The following STYK1 variants were observed in gnomAD, a reference collection of about 807,000 sequenced individuals.
STYK1 encodes tyrosine-protein kinase STYK1.
A neutral mutation model predicts 48.1 loss-of-function variants in STYK1; 46 were observed. The observed-to-expected ratio is 0.96, with a 90% CI of 0.75 to 1.22. The LOEUF (loss-of-function observed/expected upper bound fraction) is 1.22. Ranked by LOEUF, STYK1 falls within the 50% of genes most tolerant of loss-of-function variation. The pLI is 0.00. For missense variants in STYK1, 527 were observed against 521.1 expected, an observed-to-expected ratio of 1.01 and a Z score of -0.11; for synonymous variants, 188 against 189.0, an observed-to-expected ratio of 0.99 and a Z score of 0.04.
Position 10,631,132 on chromosome 12 carries a change from T to G in STYK1, c.364A>C (p.Ser122Arg), listed in dbSNP as rs554544771. ...QLSEVLEQICSGSCGPIFRAN... is the reference protein window; with the variant it reads ...QLSEVLEQICRGSCGPIFRAN... ...CGAAAGATGGGCCCACAGCTACCAC[T>G]GCAAATCTGCTCCAGAACTTCAGAG... The change falls in exon 5 of 11, where the codon AGT (serine) becomes CGT (arginine). Residue 122 changes from serine to arginine, a missense_variant. Physicochemically the swap from Ser to Arg is moderately radical, Grantham distance 110. Transcript: ENST00000075503. The G allele has an allele frequency of 1.2e-6, 2 of 1,614,206 alleles. No individual in the cohort carries two copies. Among genetic ancestry groups the G allele is most frequent in the Admixed American group, 3.3e-5 (2 of 60,026 alleles).
chr12:10,664,993 G>A (rs1301602590), intron 1 of STYK1, among the ~76,000 whole-genome samples: 1 of 152,178 alleles, frequency 6.6e-6, no homozygotes, highest in South Asian at 2.1e-4. Context: ...ATGAATCAGA[G>A]ATCTAATCAG....
At chr12:10,624,275 A>G (rs1947331041) in intron 8 of STYK1, among the ~76,000 whole-genome samples, 2 of 151,366 alleles carry the variant, frequency 1.3e-5, no homozygotes, top group African/African-American at 2.4e-5. Context: ...GAAAAAAAAA[A>G]TAGCCAAGCA....
At chr12:10,627,020 A>C (rs1443983931) in intron 7 of STYK1, among the ~76,000 whole-genome samples, 1 of 152,196 alleles carries the variant, frequency 6.6e-6, no homozygotes, top group Non-Finnish European at 1.5e-5. Context: ...AAATAAATAA[A>C]TAAATAAACA....
chr12:10,626,442 T>G (rs951710262), intron 7 of STYK1, among the ~76,000 whole-genome samples: 1 of 152,150 alleles, frequency 6.6e-6, no homozygotes. Flanking sequence ...GCTTCAACCA[T>G]AACTATTACT....
At chr12:10,631,955 G>A (rs1947433787) in intron 4 of STYK1, among the ~76,000 whole-genome samples, 1 of 152,138 alleles carries the variant, frequency 6.6e-6, no homozygotes, top group African/African-American at 2.4e-5. Context: ...TAAGTGCTGG[G>A]AACAGGAAAA....
At position 10,620,454 on chromosome 12, in the gene STYK1, TG is replaced by T. The variant is rs1475728043; in HGVS notation, c.1065-107del. 8 of 1,027,688 alleles carry T rather than the reference TG, an allele frequency of 7.8e-6. No homozygotes were observed. In the African/African-American group the frequency reaches 1.3e-4, roughly 16 times the overall value. The allele number at this position is 1,027,688 out of a possible 1,614,324, so 63.7% of individuals were successfully genotyped here. ...ACAAACAACTCTGCAATTCTTTAAT[TG>T]TCTTCTGTTTGCCCTGTTACTCATA... On this transcript the variant is annotated intron_variant, in intron 10 of 10. Coordinates refer to ENST00000075503, the MANE Select transcript of STYK1 (RefSeq NM_018423.3).
At chr12:10,669,970 T>C (rs1444619052) in intron 1 of STYK1, among the ~76,000 whole-genome samples, 2 of 152,024 alleles carry the variant, frequency 1.3e-5, no homozygotes, top group Admixed American at 1.3e-4. Context: ...ATCGAAAAGA[T>C]GAAAAATAAG....
chr12:10,633,870 T>C, intron 4 of STYK1, 120 bp downstream of exon 4: 1 of 1,248,494 alleles, frequency 8.0e-7, no homozygotes, highest in Non-Finnish European at 1.1e-6. Context: ...AGGGAACCCA[T>C]GCCTCTCTCA....
intron 1 of STYK1, among the ~76,000 whole-genome samples, chr12:10,642,266 G>T (rs1947553671): frequency 1.3e-5 from 2 of 152,154 alleles, no homozygotes; most frequent in Admixed American, 6.5e-5. Flanking sequence ...AGAATTTCCT[G>T]TGCTATAATG....
Position 10,624,788 on chromosome 12 carries a change from G to A in STYK1, c.789C>T (p.Leu263=). The change falls in exon 8 of 11, where the codon CTC becomes CTT. Residue 263 remains leucine, a synonymous_variant. Coordinates refer to ENST00000075503, the MANE Select transcript of STYK1 (RefSeq NM_018423.3). ...GGCCTAATCCACAGAGCTTAGCAGT[G>A]AGATCACTTTGCATCAGAATATTCC... ...AARNILMQSD[L]TAKLCGLGLA... is the part of the protein sequence containing the mutation. 1 of 1,614,126 alleles carries A rather than the reference G, an allele frequency of 6.2e-7. No homozygotes were observed. Among genetic ancestry groups the A allele is most frequent in the Non-Finnish European group, 8.5e-7 (1 of 1,180,014 alleles).
intron 1 of STYK1, among the ~76,000 whole-genome samples, chr12:10,647,342 A>T (rs1947611791): frequency 6.6e-6 from 1 of 152,156 alleles, no homozygotes; most frequent in African/African-American, 2.4e-5. Flanking sequence ...AGAGTCAAAG[A>T]TCATTTTGGA....
chr12:10,630,069 G>C lies in STYK1; in HGVS notation c.452-395C>G, dbSNP rs1421259485. Among the ~76,000 whole-genome samples, 4 of 45,606 alleles carry C rather than the reference G, an allele frequency of 8.8e-5. No homozygotes were observed. The East Asian group carries it at 3.3e-3, about 38-fold the overall frequency. The allele number at this position is 45,606 out of a possible 152,430, so 29.9% of individuals were successfully genotyped here. A position where few individuals can be genotyped will look rare whatever the true frequency, so the allele number is the denominator to read the frequency against. On this transcript the variant is annotated intron_variant, in intron 5 of 10. Coordinates refer to ENST00000075503, the MANE Select transcript of STYK1 (RefSeq NM_018423.3). ...AGAGAGAGAGAGAGAGAGAGAGAGAGAGAGAGAGAGAGAGAGAGAGAGAAA... is the reference window on the plus strand; with the variant it reads ...AGAGAGAGAGAGAGAGAGAGAGAGACAGAGAGAGAGAGAGAGAGAGAGAAA...
chr12:10,673,630 C>T (rs1425778836), intron 1 of STYK1: 1 of 151,984 alleles, frequency 6.6e-6, no homozygotes, highest in Non-Finnish European at 1.5e-5. Flanking sequence ...TTCCCTTCCC[C>T]CTCTCCTGAT....
chr12:10,625,349 C>T lies in STYK1; in HGVS notation c.718-490G>A, dbSNP rs536958511. On this transcript the variant is annotated intron_variant, in intron 7 of 10. Transcript: ENST00000075503. ...TCTTCTGCCTCAGCCTCCCAAGTAG[C>T]TGGGACTACAGGCACCCGCCACCAC... Among the ~76,000 whole-genome samples the T allele has an allele frequency of 2.0e-5, 3 of 152,278 alleles. No individual in the cohort carries two copies. The South Asian group carries it at 6.2e-4, about 32-fold the overall frequency.
intron 1 of STYK1, among the ~76,000 whole-genome samples, chr12:10,637,841 C>T (rs974876090): frequency 1.3e-5 from 2 of 152,176 alleles, no homozygotes; most frequent in Non-Finnish European, 2.9e-5. Context: ...TGCCTGTCCA[C>T]TCTGTCAAGC....
intron 1 of STYK1, among the ~76,000 whole-genome samples, chr12:10,653,039 T>C (rs1947678670): frequency 6.6e-6 from 1 of 152,250 alleles, no homozygotes; most frequent in Middle Eastern, 3.4e-3. Flanking sequence ...TGACTTCCTG[T>C]GTGACCTTTG....
chr12:10,654,885 C>T (rs561858194), intron 1 of STYK1, among the ~76,000 whole-genome samples: 4 of 152,306 alleles, frequency 2.6e-5, no homozygotes, highest in South Asian at 2.1e-4. Context: ...TCACCAGACA[C>T]GGGGAGCTTT....
intron 1 of STYK1, among the ~76,000 whole-genome samples, chr12:10,649,597 T>C (rs760840177): frequency 6.6e-6 from 1 of 152,188 alleles, no homozygotes; most frequent in Non-Finnish European, 1.5e-5. Context: ...CTATTAATAA[T>C]TTTTTCCTCT....
chr12:10,655,068 T>C (rs1347208768), intron 1 of STYK1, among the ~76,000 whole-genome samples: 2 of 152,294 alleles, frequency 1.3e-5, no homozygotes, highest in Non-Finnish European at 2.9e-5. Context: ...GAAATCACTC[T>C]CTTGCAACGT....
Sources: gnomAD v4.1 joint callset for allele counts (sites outside exome capture counted in the v4.1 genomes callset) on GRCh38, gnomAD v4.1.1 for gene constraint, MANE v1.5 for transcripts, NCBI Gene and HGNC (gene_info 2026-07-23, HGNC 2026-07-21) for gene names.